The following MGST1 variants were observed in gnomAD, a reference collection of about 807,000 sequenced individuals.
MGST1 encodes microsomal glutathione S-transferase 1.
Under a neutral mutation model 8.9 loss-of-function variants are expected in MGST1, and 5 were observed. The ratio of observed to expected loss-of-function variants is 0.56; its 90% confidence interval spans 0.29 to 1.19. MGST1 has a LOEUF of 1.19. Among genes scored for constraint, MGST1 ranks in the 50% most tolerant of loss-of-function variants. The probability of loss-of-function intolerance (pLI) is 0.08; values close to 1 mark genes in which losing one functional copy is unlikely to be tolerated. For missense variants in MGST1, 182 were observed against 187.4 expected, an observed-to-expected ratio of 0.97 and a Z score of 0.17; for synonymous variants, 54 against 67.8, an observed-to-expected ratio of 0.80 and a Z score of 1.00.
At chr12:16,526,914 C>T (rs988962645) in intron 4 of MGST1, among the ~76,000 whole-genome samples, 2 of 151,842 alleles carry the variant, frequency 1.3e-5, no homozygotes, top group African/African-American at 4.8e-5. Context: ...CTCCAAAACT[C>T]CCCTCCTCCT....
In MGST1 at chr12:16,389,192, T is replaced by G. The variant is rs1218081136; in HGVS notation, n.778+5588T>G. ...TGTGATGGCTTACCCAGCAACCAGCTCCAATTACAGAAATAACAGAAGGAA... is the reference window on the plus strand; with the variant it reads ...TGTGATGGCTTACCCAGCAACCAGCGCCAATTACAGAAATAACAGAAGGAA... On this transcript the variant is annotated intron_variant and non_coding_transcript_variant, in intron 1 of 1. Coordinates refer to the MGST1 transcript ENST00000359720. The surrounding 1 kb of genome is among the most constrained non-coding windows in gnomAD (Gnocchi z 4.6). Among the ~76,000 whole-genome samples, 1 of 152,138 alleles carries G rather than the reference T, an allele frequency of 6.6e-6. No individual in the cohort carries two copies. Among genetic ancestry groups the G allele is most frequent in the African/African-American group, 2.4e-5 (1 of 41,428 alleles).
rs766530183 is a variant in MGST1 at position 16,354,318 on chromosome 12, T to C, written c.66T>C (p.Ile22=). 7.5e-6 allele frequency: 12 copies of C among 1,607,106 alleles called. No individual in the cohort carries two copies. The South Asian group carries it at 1.3e-4, about 18-fold the overall frequency. The stretch of plus-strand genomic sequence containing the variant: ...TGGCTTTTGCATCCTATGCAACAAT[T>C]ATTCTTTCAAAAATGATGCTTATGA... ...VFMAFASYAT[I]ILSKMMLMST... The change falls in exon 2 of 4, where the codon ATT becomes ATC. Residue 22 remains isoleucine, a synonymous_variant. Coordinates refer to ENST00000396210, the MANE Select transcript of MGST1 (RefSeq NM_020300.5).
At chr12:16,484,778 C>T (rs779877962) in intron 4 of MGST1, among the ~76,000 whole-genome samples, 6 of 151,006 alleles carry the variant, frequency 4.0e-5, no homozygotes, top group South Asian at 2.1e-4. Flanking sequence ...TGTCCTCCAA[C>T]ACTGGGGATT....
intron 4 of MGST1, among the ~76,000 whole-genome samples, chr12:16,512,035 A>G (rs1262825768): frequency 2.0e-5 from 3 of 152,226 alleles, no homozygotes; most frequent in Non-Finnish European, 4.4e-5. Flanking sequence ...TTGGATTTCA[A>G]GAATTTTCTT....
At chr12:16,495,359 AC>A (rs1941463043) in intron 4 of MGST1, among the ~76,000 whole-genome samples, 1 of 152,142 alleles carries the variant, frequency 6.6e-6, no homozygotes. Flanking sequence ...ACCATTGAGT[AC>A]TATGCCCAGT....
At chr12:16,382,246 G>GT (rs1260295465), upstream of MGST1, among the ~76,000 whole-genome samples, 1 of 152,058 alleles carries the variant, frequency 6.6e-6, no homozygotes, top group African/African-American at 2.4e-5. Context: ...TTTCTGCTCT[G>GT]TTTTTTTCCC....
Position 16,555,393 on chromosome 12 carries a change from G to A in MGST1, n.483-34135G>A, listed in dbSNP as rs1942156823. Among the ~76,000 whole-genome samples, 1 of 152,102 alleles carries A rather than the reference G, an allele frequency of 6.6e-6. No individual in the cohort carries two copies. The highest frequency in any genetic ancestry group is 2.4e-5 in the African/African-American group (1 of 41,400). On this transcript the variant is annotated intron_variant and non_coding_transcript_variant, in intron 4 of 4. Coordinates refer to the MGST1 transcript ENST00000538857. This position sits in a 1 kb window ranked among gnomAD's most constrained non-coding sequence, Gnocchi z 5.5. ...GTGTTTCAAAATTTCTCATGAATGT[G>A]TAACTGGTTTGCCATTATAGTCAGC... is the stretch of plus-strand genomic sequence containing the variant.
intron 1 of MGST1, 57 bp from the exon 2 acceptor site, chr12:16,354,174 C>T: frequency 8.0e-7 from 1 of 1,245,912 alleles, no homozygotes; most frequent in Non-Finnish European, 1.1e-6. Flanking sequence ...AAATGATCTT[C>T]CAGTTATTTT....
At chr12:16,427,398 T>C (rs2137089617) in intron 1 of MGST1, among the ~76,000 whole-genome samples, 1 of 152,346 alleles carries the variant, frequency 6.6e-6, no homozygotes. Flanking sequence ...GATTTTTTTG[T>C]CTGAGACAGA....
intron 4 of MGST1, among the ~76,000 whole-genome samples, chr12:16,518,322 G>T (rs533338246): frequency 6.6e-6 from 1 of 152,076 alleles, no homozygotes; most frequent in Admixed American, 6.6e-5. Context: ...TTCCTGATAT[G>T]TATGTGGCTT....
intron 4 of MGST1, among the ~76,000 whole-genome samples, chr12:16,534,257 C>T (rs1055922197): frequency 1.3e-5 from 2 of 152,156 alleles, no homozygotes; most frequent in East Asian, 3.8e-4. Context: ...GAGGAAAGTA[C>T]TATGAAACAC....
downstream of MGST1, among the ~76,000 whole-genome samples, chr12:16,377,759 C>T (rs1159864028): frequency 6.6e-6 from 1 of 152,176 alleles, no homozygotes; most frequent in Non-Finnish European, 1.5e-5. Flanking sequence ...TACAGTCCCA[C>T]TAACAGTGTA....
chr12:16,466,760 A>T (rs574488650), intron 4 of MGST1, among the ~76,000 whole-genome samples: 6 of 152,142 alleles, frequency 3.9e-5, no homozygotes, highest in African/African-American at 7.2e-5. Flanking sequence ...TTAACTCTCT[A>T]TTTTCTTTCT....
At chr12:16,579,420 A>G (rs1363202954) in intron 4 of MGST1, among the ~76,000 whole-genome samples, 1 of 152,254 alleles carries the variant, frequency 6.6e-6, no homozygotes, top group Admixed American at 6.5e-5. Context: ...TAGGATTTAC[A>G]TAACCTTCCA....
At chr12:16,568,330 A>T (rs1942690615) in intron 4 of MGST1, among the ~76,000 whole-genome samples, 1 of 152,220 alleles carries the variant, frequency 6.6e-6, no homozygotes, top group Admixed American at 6.5e-5. Context: ...GACTTGAGAT[A>T]CTCAGAGAAA....
intron 4 of MGST1, among the ~76,000 whole-genome samples, chr12:16,532,476 A>G (rs923291958): frequency 2.0e-5 from 3 of 152,196 alleles, no homozygotes; most frequent in Admixed American, 1.3e-4. Flanking sequence ...GCAAAGCTAT[A>G]GGGTTTAATT....
intron 1 of MGST1, chr12:16,400,468 T>G (rs1344770691): frequency 1.3e-6 from 1 of 798,630 alleles, no homozygotes; most frequent in East Asian, 2.4e-5. Flanking sequence ...CCAGTTTAGA[T>G]TGATCACCAG....
At chr12:16,445,652 T>C (rs146873044) in intron 4 of MGST1, among the ~76,000 whole-genome samples, 331 of 152,072 alleles carry the variant, frequency 2.2e-3, no homozygotes, top group Non-Finnish European at 4.1e-3. Context: ...GCTATATCAA[T>C]GCCTGCATGC....
intron 4 of MGST1, among the ~76,000 whole-genome samples, chr12:16,464,053 T>C (rs1186127572): frequency 4.6e-5 from 7 of 152,212 alleles, no homozygotes; most frequent in Non-Finnish European, 1.0e-4. Context: ...CGTTGACTAT[T>C]GAAATGTGAG....
Sources: allele counts gnomAD v4.1 joint callset (sites outside exome capture counted in the v4.1 genomes callset), GRCh38; gene constraint gnomAD v4.1.1; non-coding constraint Gnocchi (gnomAD v3.1); transcripts MANE v1.5; gene names NCBI Gene and HGNC (gene_info 2026-07-23, HGNC 2026-07-21).